The following PRKN variants were observed in gnomAD, a reference collection of about 807,000 sequenced individuals.
The protein encoded by PRKN is parkin RBR E3 ubiquitin protein ligase, also known as E3 ubiquitin-protein ligase parkin.
Under a neutral mutation model 59.5 loss-of-function variants are expected in PRKN, and 56 were observed. The ratio of observed to expected loss-of-function variants is 0.94; its 90% CI spans 0.76 to 1.18. PRKN has a LOEUF of 1.18. Ranked by LOEUF, PRKN falls within the 50% of genes most tolerant of loss-of-function variation. The probability of loss-of-function intolerance (pLI) is 0.00; values close to 1 mark genes in which losing one functional copy is unlikely to be tolerated. For missense variants in PRKN, 657 were observed against 596.4 expected, an observed-to-expected ratio of 1.10 and a Z score of -1.06; for synonymous variants, 250 against 222.1, an observed-to-expected ratio of 1.13 and a Z score of -1.12.
At chr6:162,288,057 G>A (rs906985796) in intron 2 of PRKN, among the ~76,000 whole-genome samples, 1 of 152,088 alleles carries the variant, frequency 6.6e-6, no homozygotes, top group East Asian at 1.9e-4. Flanking sequence ...TTAGAATCAT[G>A]CTCAAGAGCT....
chr6:161,679,975 C>T (rs1168415217), intron 7 of PRKN, among the ~76,000 whole-genome samples: 2 of 151,684 alleles, frequency 1.3e-5, no homozygotes, highest in Admixed American at 6.6e-5. Flanking sequence ...AGGATGGTCT[C>T]GATCTCCTGA....
At chr6:161,810,511 G>A (rs559797713) in intron 6 of PRKN, among the ~76,000 whole-genome samples, 6 of 152,290 alleles carry the variant, frequency 3.9e-5, no homozygotes, top group African/African-American at 4.8e-5. Flanking sequence ...CCTAGACAAC[G>A]TCTAACGTTT....
chr6:161,853,691 T>G (rs2128222955), intron 6 of PRKN, among the ~76,000 whole-genome samples: 1 of 152,264 alleles, frequency 6.6e-6, no homozygotes, highest in South Asian at 2.1e-4. Context: ...CCTCGTTGCT[T>G]TACAAACATC....
At chr6:161,828,859 G>T (rs1438511405) in intron 6 of PRKN, among the ~76,000 whole-genome samples, 1 of 151,878 alleles carries the variant, frequency 6.6e-6, no homozygotes, top group Admixed American at 6.6e-5. Context: ...AAACCTGGGA[G>T]ATGGAGGTTG....
chr6:161,425,697 A>G (rs1209285604), intron 9 of PRKN, among the ~76,000 whole-genome samples: 2 of 152,134 alleles, frequency 1.3e-5, no homozygotes, highest in South Asian at 2.1e-4. Context: ...CAAGATTACA[A>G]CTAAGTATCT....
intron 7 of PRKN, among the ~76,000 whole-genome samples, chr6:161,734,673 CTAAAA>C (rs1310429121): frequency 6.6e-6 from 1 of 152,114 alleles, no homozygotes; most frequent in East Asian, 1.9e-4. Flanking sequence ...GTTTTTAATG[CTAAAA>C]TTTAAAACAG....
At chr6:162,201,528 T>C (rs1583190460) in intron 3 of PRKN, among the ~76,000 whole-genome samples, 1 of 152,210 alleles carries the variant, frequency 6.6e-6, no homozygotes, top group Non-Finnish European at 1.5e-5. Context: ...CGGGCAAGTG[T>C]ATCTGCAACA....
intron 5 of PRKN, among the ~76,000 whole-genome samples, chr6:161,991,514 T>A (rs1445832643): frequency 6.6e-6 from 1 of 152,164 alleles, no homozygotes; most frequent in Admixed American, 6.6e-5. Context: ...ATTTCCCCCA[T>A]AAAAGATAAT....
At chr6:161,583,282 A>G (rs1474195118) in intron 7 of PRKN, among the ~76,000 whole-genome samples, 1 of 152,210 alleles carries the variant, frequency 6.6e-6, no homozygotes, top group African/African-American at 2.4e-5. Context: ...GGTAGCAGTT[A>G]GGACAAATGG....
intron 2 of PRKN, among the ~76,000 whole-genome samples, chr6:162,279,211 G>T (rs917212051): frequency 6.6e-6 from 1 of 151,828 alleles, no homozygotes; most frequent in African/African-American, 2.4e-5. Flanking sequence ...GGTGGCAGGA[G>T]CCTGTAATCC....
At chr6:161,920,758 C>G (rs1364649972) in intron 6 of PRKN, among the ~76,000 whole-genome samples, 1 of 151,684 alleles carries the variant, frequency 6.6e-6, no homozygotes, top group East Asian at 1.9e-4. Flanking sequence ...CCACTGCACT[C>G]CAGCCTGGCA....
Position 161,442,139 on chromosome 6 carries a change from A to C in PRKN, c.1084-55262T>G, listed in dbSNP as rs534708575. On this transcript the variant is annotated intron_variant, in intron 9 of 11. Coordinates refer to ENST00000366898, the MANE Select transcript of PRKN (RefSeq NM_004562.3). The surrounding 1 kb of genome is among the most constrained non-coding windows in gnomAD (Gnocchi z 4.6). ...ACATGTGCCAAGCTGGCTCTGAATT[A>C]TTTAAAATTACAGCAGTCAGAAGAG... is the stretch of plus-strand genomic sequence containing the variant. 3.3e-5 allele frequency among the ~76,000 whole-genome samples: 5 copies of C among 152,202 alleles called. No individual in the cohort carries two copies. Among genetic ancestry groups the C allele is most frequent in the Non-Finnish European group, 7.4e-5 (5 of 68,024 alleles).
chr6:161,693,676 C>T (rs1785898936), intron 7 of PRKN, among the ~76,000 whole-genome samples: 1 of 152,098 alleles, frequency 6.6e-6, no homozygotes, highest in African/African-American at 2.4e-5. Context: ...TTCTAATTTT[C>T]CCCAATGTAA....
chr6:162,661,523 C>T (rs1029273555), intron 1 of PRKN, among the ~76,000 whole-genome samples: 5 of 152,080 alleles, frequency 3.3e-5, no homozygotes, highest in African/African-American at 9.7e-5. Context: ...GGAGACCTGG[C>T]GGTGGCCTTA....
chr6:161,450,807 G>A (rs1321620966), intron 9 of PRKN, among the ~76,000 whole-genome samples: 1 of 152,036 alleles, frequency 6.6e-6, no homozygotes, highest in African/African-American at 2.4e-5. Flanking sequence ...TGCCCACCCT[G>A]GCCTCCCAAA....
At chr6:162,438,239 T>G (rs948261523) in intron 2 of PRKN, among the ~76,000 whole-genome samples, 2 of 152,210 alleles carry the variant, frequency 1.3e-5, no homozygotes, top group African/African-American at 4.8e-5. Flanking sequence ...TGTGTTTATG[T>G]TTGCCTGAAA....
At chr6:161,623,218 A>G (rs1264327909) in intron 7 of PRKN, among the ~76,000 whole-genome samples, 1 of 152,172 alleles carries the variant, frequency 6.6e-6, no homozygotes, top group African/African-American at 2.4e-5. Flanking sequence ...AGATATCCCC[A>G]AGCTGGGACT....
At chr6:162,503,308 G>A (rs1365060908) in intron 1 of PRKN, among the ~76,000 whole-genome samples, 3 of 151,488 alleles carry the variant, frequency 2.0e-5, no homozygotes, top group South Asian at 2.1e-4. Flanking sequence ...GATTACAGGC[G>A]CCCACCACTA....
intron 3 of PRKN, among the ~76,000 whole-genome samples, chr6:162,213,416 G>A (rs191866403): frequency 1.8e-4 from 28 of 151,464 alleles, no homozygotes; most frequent in Non-Finnish European, 3.4e-4. Flanking sequence ...AACTGGGAAG[G>A]AGCCTAGCAT....
Sources: allele counts gnomAD v4.1 joint callset (sites outside exome capture counted in the v4.1 genomes callset), GRCh38; gene constraint gnomAD v4.1.1; non-coding constraint Gnocchi (gnomAD v3.1); transcripts MANE v1.5; gene names NCBI Gene and HGNC (gene_info 2026-07-23, HGNC 2026-07-21).